The following KATNAL2 variants were observed in gnomAD, a reference collection of about 807,000 sequenced individuals.
The protein encoded by KATNAL2 is katanin p60 ATPase-containing subunit A-like 2.
Under a neutral mutation model 76.3 loss-of-function variants are expected in KATNAL2, and 52 were observed. That is an observed-to-expected ratio of 0.68 (90% CI 0.55 to 0.86). The LOEUF (loss-of-function observed/expected upper bound fraction) is 0.86, where lower values mean the gene tolerates loss of function less well. Ranked by LOEUF, KATNAL2 falls within the 40% of genes least tolerant of loss-of-function variation. The probability of loss-of-function intolerance (pLI) is 0.00; values close to 1 mark genes in which losing one functional copy is unlikely to be tolerated. For synonymous variants in KATNAL2, 243 were observed against 244.2 expected (o/e 1.00, Z 0.05); for missense variants, 660 against 668.9 (o/e 0.99, Z 0.15).
chr18:47,063,079 C>A lies in KATNAL2; in HGVS notation c.648+9C>A. The A allele has an allele frequency of 6.2e-7, 1 of 1,607,432 alleles. No homozygotes were observed. On this transcript the variant is annotated intron_variant, in intron 9 of 17. Transcript: ENST00000683218. ...ATAATCCAGACCCCTCAGTAAGTGGCGAAGATGTGACATTCATCTTTCAAA... is the reference window on the plus strand; with the variant it reads ...ATAATCCAGACCCCTCAGTAAGTGGAGAAGATGTGACATTCATCTTTCAAA...
At chr18:47,099,512 A>AATCT in intron 16 of KATNAL2, 107 bp downstream of exon 16, 1 of 1,094,270 alleles carries the variant, frequency 9.1e-7, no homozygotes, top group Non-Finnish European at 1.3e-6. Flanking sequence ...CACTTAGAAT[A>AATCT]AGATCCAAGC....
chr18:46,955,221 C>CTT (rs537986715), intron 3 of KATNAL2, among the ~76,000 whole-genome samples: 1 of 107,950 alleles, frequency 9.3e-6, no homozygotes, highest in African/African-American at 3.3e-5. Flanking sequence ...CTCTGTCTTT[C>CTT]TTTTTTTTTT....
intron 1 of KATNAL2, among the ~76,000 whole-genome samples, chr18:46,940,900 C>G (rs1374837322): frequency 6.6e-6 from 1 of 152,022 alleles, no homozygotes; most frequent in Non-Finnish European, 1.5e-5. Flanking sequence ...TGGCATACTC[C>G]TATAGTCCCA....
At chr18:47,100,811 C>T in intron 17 of KATNAL2, 55 bp from the exon 18 acceptor site, 1 of 1,600,976 alleles carries the variant, frequency 6.2e-7, no homozygotes, top group Non-Finnish European at 8.6e-7. Context: ...GTTTCAAGAG[C>T]ATTGATCACC....
chr18:47,067,878 G>T (rs1274020880), intron 11 of KATNAL2, among the ~76,000 whole-genome samples: 1 of 152,146 alleles, frequency 6.6e-6, no homozygotes, highest in Non-Finnish European at 1.5e-5. Context: ...CTCAATCACA[G>T]GTCTGAGCCA....
chr18:46,956,129 T>C lies in KATNAL2; in HGVS notation c.51+9206T>C, dbSNP rs576361149. ...ATATATTCAAATTTAGTTTTCAATATGGTTATTTCTTTGGATATTGTAGGG... is the reference window on the plus strand; with the variant it reads ...ATATATTCAAATTTAGTTTTCAATACGGTTATTTCTTTGGATATTGTAGGG... On this transcript the variant is annotated intron_variant, in intron 3 of 17. Coordinates refer to ENST00000683218, the MANE Select transcript of KATNAL2 (RefSeq NM_001387690.1). 2.0e-5 allele frequency among the ~76,000 whole-genome samples: 3 copies of C among 152,332 alleles called. No individual in the cohort carries two copies. The East Asian group carries it at 5.8e-4, about 29-fold the overall frequency.
intron 17 of KATNAL2, among the ~76,000 whole-genome samples, chr18:47,100,583 C>T (rs898366019): frequency 1.3e-5 from 2 of 152,160 alleles, no homozygotes; most frequent in Non-Finnish European, 2.9e-5. Context: ...TTCTCTGGCA[C>T]ACTCTGATGT....
rs755734956 is a variant in KATNAL2, at chr18:47,100,906, C to G, written c.1518C>G (p.Thr506=). 1.2e-6 allele frequency: 2 copies of G among 1,614,054 alleles called. No homozygotes were observed. The highest frequency in any genetic ancestry group is 2.2e-5 in the South Asian group (2 of 91,066). Residue 506 remains threonine (T), a synonymous_variant, in exon 18 of 18, where the codon ACC becomes ACG. Transcript: ENST00000683218. ...DLPRIQLDIV[T]TADFLDVLTH... is the part of the protein sequence containing the mutation. ...CCAGGATCCAGTTGGATATAGTAAC[C>G]ACTGCCGACTTTCTGGATGTGCTAA...
chr18:47,099,145 A>T, intron 15 of KATNAL2, 98 bp from the exon 16 acceptor site: 1 of 1,209,616 alleles, frequency 8.3e-7, no homozygotes, highest in Non-Finnish European at 1.2e-6. Context: ...TAAAATGCAG[A>T]ATTGCTTCCT....
In KATNAL2 at chr18:47,084,486, T is replaced by A. The variant is rs1365919668; in HGVS notation, c.1211+7025T>A. On this transcript the variant is annotated intron_variant, in intron 15 of 17. Transcript: ENST00000683218. Reference sequence around the variant, plus strand: ...AAAAATGAGATCTAGTGGCCTGGTATGTTCAGGAGATACCAAGTTAAAGAC... The same window carrying A: ...AAAAATGAGATCTAGTGGCCTGGTAAGTTCAGGAGATACCAAGTTAAAGAC... 4.4e-6 allele frequency: 3 copies of A among 684,248 alleles called. No homozygotes were observed. The Admixed American group carries it at 6.3e-5, about 14-fold the overall frequency. The allele number at this position is 684,248 out of a possible 1,614,324, so 42.4% of individuals were successfully genotyped here.
At chr18:46,928,092 G>A (rs2058787049) in intron 1 of KATNAL2, among the ~76,000 whole-genome samples, 1 of 152,162 alleles carries the variant, frequency 6.6e-6, no homozygotes, top group Admixed American at 6.5e-5. Flanking sequence ...ACTCGTCAAA[G>A]TCATTCTCCA....
chr18:47,046,106 C>T (rs1195398284), intron 3 of KATNAL2, among the ~76,000 whole-genome samples: 1 of 152,208 alleles, frequency 6.6e-6, no homozygotes, highest in Non-Finnish European at 1.5e-5. Flanking sequence ...AGCTGATTAT[C>T]TTTTTCTAAT....
At chr18:47,092,237 G>A (rs531457553) in intron 15 of KATNAL2, among the ~76,000 whole-genome samples, 2 of 152,176 alleles carry the variant, frequency 1.3e-5, no homozygotes, top group Non-Finnish European at 2.9e-5. Flanking sequence ...AGTGGATCAC[G>A]CCTGTAATCC....
intron 17 of KATNAL2, among the ~76,000 whole-genome samples, chr18:47,100,646 G>C: frequency 6.6e-6 from 1 of 152,100 alleles, no homozygotes; most frequent in Non-Finnish European, 1.5e-5. Flanking sequence ...ACCTGGTAAC[G>C]ATACATTTAG....
chr18:46,946,935 A>G lies in KATNAL2; in HGVS notation c.51+12A>G. 6.7e-7 allele frequency: 1 copy of G among 1,497,710 alleles called. No homozygotes were observed. Among genetic ancestry groups the G allele is most frequent in the Non-Finnish European group, 9.0e-7 (1 of 1,111,814 alleles). The allele number at this position is 1,497,710 out of a possible 1,614,324, so 92.8% of individuals were successfully genotyped here. On this transcript the variant is annotated intron_variant, in intron 3 of 17. Coordinates refer to ENST00000683218, the MANE Select transcript of KATNAL2 (RefSeq NM_001387690.1). ...AGGCGCGGGAAGCGGTAAGGAACGC[A>G]TATATAAAACATGATTATACCAAGA...
chr18:47,052,782 T>A, intron 4 of KATNAL2, 98 bp from the exon 5 acceptor site: 1 of 940,436 alleles, frequency 1.1e-6, no homozygotes, highest in Non-Finnish European at 1.5e-6. Flanking sequence ...TATATAGGCT[T>A]ACTTTTTGTA....
chr18:46,931,223 C>T (rs987645254), intron 1 of KATNAL2, among the ~76,000 whole-genome samples: 11 of 150,966 alleles, frequency 7.3e-5, no homozygotes, highest in African/African-American at 2.7e-4. Flanking sequence ...TCGTTTGAAC[C>T]CAGGAAGCGG....
intron 15 of KATNAL2, among the ~76,000 whole-genome samples, chr18:47,096,484 G>C (rs2063242366): frequency 6.6e-6 from 1 of 152,132 alleles, no homozygotes; most frequent in Admixed American, 6.5e-5. Flanking sequence ...TGAGACTACA[G>C]GCGTGCATCA....
chr18:46,958,075 T>G (rs1347923208), intron 3 of KATNAL2, among the ~76,000 whole-genome samples: 1 of 152,138 alleles, frequency 6.6e-6, no homozygotes, highest in Non-Finnish European at 1.5e-5. Flanking sequence ...CCCTCCCACA[T>G]GTAAGAGGGA....
Sources: allele counts gnomAD v4.1 joint callset (sites outside exome capture counted in the v4.1 genomes callset), GRCh38; gene constraint gnomAD v4.1.1; transcripts MANE v1.5; gene names NCBI Gene and HGNC (gene_info 2026-07-23, HGNC 2026-07-21).